Variants in ADAMTSL1 observed in about 807,000 individuals in gnomAD.
ADAMTSL1 encodes the protein ADAMTS-like protein 1.
Under a neutral mutation model 201.8 loss-of-function variants are expected in ADAMTSL1, and 126 were observed. The observed-to-expected ratio is 0.62, with a 90% CI of 0.54 to 0.72. The LOEUF is 0.72. Among genes scored for constraint, ADAMTSL1 ranks in the 30% least tolerant of loss-of-function variants. ADAMTSL1 has a pLI of 0.00. For missense variants in ADAMTSL1, 2,679 were observed against 2,277.8 expected (o/e 1.18, Z -3.59); for synonymous variants, 1,121 against 903.4 (o/e 1.24, Z -4.32).
intron 1 of ADAMTSL1, among the ~76,000 whole-genome samples, chr9:17,930,207 C>G (rs751938435): frequency 9.2e-5 from 14 of 152,098 alleles, no homozygotes; most frequent in Non-Finnish European, 1.9e-4. Flanking sequence ...CTTCAAGCAC[C>G]TGGTTTGATG....
At chr9:17,917,604 G>C (rs1264573830) in intron 1 of ADAMTSL1, among the ~76,000 whole-genome samples, 1 of 151,828 alleles carries the variant, frequency 6.6e-6, no homozygotes, top group Non-Finnish European at 1.5e-5. Context: ...ATTTTGTTTA[G>C]AATTTTTACA....
intron 19 of ADAMTSL1, among the ~76,000 whole-genome samples, chr9:18,784,309 G>A (rs936979285): frequency 6.6e-6 from 1 of 152,082 alleles, no homozygotes; most frequent in Non-Finnish European, 1.5e-5. Flanking sequence ...TCATTCTCAA[G>A]GGCCTATATT....
At chr9:18,392,912 G>T (rs1838111174) in intron 2 of ADAMTSL1, among the ~76,000 whole-genome samples, 1 of 152,054 alleles carries the variant, frequency 6.6e-6, no homozygotes, top group African/African-American at 2.4e-5. Flanking sequence ...GGCTACACAT[G>T]GCTATTTCAC....
At chr9:18,755,850 C>T (rs1288032146) in intron 16 of ADAMTSL1, among the ~76,000 whole-genome samples, 5 of 151,936 alleles carry the variant, frequency 3.3e-5, no homozygotes, top group Admixed American at 3.3e-4. Flanking sequence ...TAGTAAACAA[C>T]TGTTTGAAGT....
chr9:18,322,120 C>T (rs1467498115), intron 2 of ADAMTSL1, among the ~76,000 whole-genome samples: 1 of 151,658 alleles, frequency 6.6e-6, no homozygotes, highest in Non-Finnish European at 1.5e-5. Flanking sequence ...TGGAATGCAG[C>T]CAAAGTATTG....
chr9:18,006,245 C>T (rs1819820395), intron 1 of ADAMTSL1, among the ~76,000 whole-genome samples: 1 of 151,956 alleles, frequency 6.6e-6, no homozygotes, highest in Non-Finnish European at 1.5e-5. Flanking sequence ...TTAATAACTT[C>T]AACAGCATAG....
chr9:18,294,981 G>C (rs532613993), intron 2 of ADAMTSL1, among the ~76,000 whole-genome samples: 1 of 151,904 alleles, frequency 6.6e-6, no homozygotes, highest in East Asian at 1.9e-4. Flanking sequence ...CCTCTTATCA[G>C]TACCAAGATC....
intron 2 of ADAMTSL1, among the ~76,000 whole-genome samples, chr9:18,270,634 G>T (rs1832320612): frequency 6.6e-6 from 1 of 152,072 alleles, no homozygotes; most frequent in Non-Finnish European, 1.5e-5. Context: ...TATCCAGAAA[G>T]GCAACACAAT....
intron 2 of ADAMTSL1, among the ~76,000 whole-genome samples, chr9:18,165,502 G>A (rs1197983239): frequency 6.6e-6 from 1 of 151,760 alleles, no homozygotes; most frequent in South Asian, 2.1e-4. Flanking sequence ...AATGAAAACT[G>A]TCCATGCTGT....
chr9:18,275,918 A>T (rs1048173675), intron 2 of ADAMTSL1, among the ~76,000 whole-genome samples: 1 of 152,150 alleles, frequency 6.6e-6, no homozygotes, highest in African/African-American at 2.4e-5. Flanking sequence ...ATGCATGTTC[A>T]AATTTATATG....
intron 2 of ADAMTSL1, among the ~76,000 whole-genome samples, chr9:18,401,647 T>G (rs1316237239): frequency 6.6e-6 from 1 of 152,240 alleles, no homozygotes; most frequent in Admixed American, 6.5e-5. Context: ...AGAACACATC[T>G]AAAGGAAAAC....
chr9:18,777,422 C>T lies in ADAMTSL1; in HGVS notation c.3193C>T (p.Leu1065=). The T allele has an allele frequency of 6.2e-7, 1 of 1,601,378 alleles. No individual in the cohort carries two copies. Among genetic ancestry groups the T allele is most frequent in the Non-Finnish European group, 8.5e-7 (1 of 1,174,526 alleles). ...EEDPGAEQVL[L]HLPFTMVTEQ... is the part of the protein sequence containing the mutation. ...GGACCCGGGTGCAGAGCAAGTGCTC[C>T]TGCACCTGCCCTTCACCATGGTGAC... The change falls in exon 19 of 29, where the codon CTG becomes TTG. Residue 1065 remains leucine, a synonymous_variant. Transcript: ENST00000380548.
At chr9:18,207,793 A>T (rs1829715353) in intron 2 of ADAMTSL1, among the ~76,000 whole-genome samples, 1 of 149,026 alleles carries the variant, frequency 6.7e-6, no homozygotes, top group Admixed American at 6.7e-5. Context: ...CTTTTGAAAC[A>T]ATACAGAGTG....
chr9:18,747,081 A>T (rs1819189412), intron 15 of ADAMTSL1, among the ~76,000 whole-genome samples: 1 of 152,222 alleles, frequency 6.6e-6, no homozygotes, highest in Admixed American at 6.5e-5. Context: ...CTATAAGCAC[A>T]GGAAGCCCAG....
chr9:18,780,173 T>C (rs1821308377), intron 19 of ADAMTSL1, among the ~76,000 whole-genome samples: 1 of 152,198 alleles, frequency 6.6e-6, no homozygotes, highest in Non-Finnish European at 1.5e-5. Context: ...ACTGCAGGAA[T>C]GATGTGGAAG....
At chr9:18,065,985 CAAAAAAAAAAAAAAA>C (rs34179730) in intron 1 of ADAMTSL1, among the ~76,000 whole-genome samples, 1 of 38,100 alleles carries the variant, frequency 2.6e-5, no homozygotes, top group African/African-American at 9.3e-5. Context: ...GACTCCATCT[CAAAAAAAAAAAAAAA>C]AAAAAAAAAA....
intron 2 of ADAMTSL1, among the ~76,000 whole-genome samples, chr9:18,287,646 TATAC>T (rs1460312870): frequency 9.4e-6 from 1 of 106,378 alleles, no homozygotes; most frequent in African/African-American, 3.1e-5. Flanking sequence ...TATGTATGTG[TATAC>T]ATATACACAT....
intron 20 of ADAMTSL1, among the ~76,000 whole-genome samples, chr9:18,816,149 C>T (rs1588156503): frequency 6.6e-6 from 1 of 152,302 alleles, no homozygotes; most frequent in African/African-American, 2.4e-5. Context: ...CTCCCCGCTC[C>T]CTTCCCCAGT....
intron 2 of ADAMTSL1, among the ~76,000 whole-genome samples, chr9:18,352,834 C>T (rs1478942707): frequency 2.0e-5 from 3 of 152,176 alleles, no homozygotes; most frequent in Non-Finnish European, 4.4e-5. Flanking sequence ...GCGTCCCTGG[C>T]AAGATGCAAA....
Sources: allele counts gnomAD v4.1 joint callset (sites outside exome capture counted in the v4.1 genomes callset), GRCh38; gene constraint gnomAD v4.1.1; transcripts MANE v1.5; gene names NCBI Gene and HGNC (gene_info 2026-07-23, HGNC 2026-07-21).